The following TSPEAR variants were observed in gnomAD, a reference collection of about 807,000 sequenced individuals.
TSPEAR encodes thrombospondin-type laminin G domain and EAR repeat-containing protein.
A neutral mutation model predicts 71.6 loss-of-function variants in TSPEAR; 69 were observed. That is an observed-to-expected ratio of 0.96 (90% CI 0.79 to 1.18). TSPEAR has a LOEUF of 1.18. Ranked by LOEUF, TSPEAR falls within the 50% of genes most tolerant of loss-of-function variation. The pLI is 0.00. For missense variants in TSPEAR, 971 were observed against 894.9 expected, an observed-to-expected ratio of 1.09 and a Z score of -1.09; for synonymous variants, 402 against 387.2, an observed-to-expected ratio of 1.04 and a Z score of -0.45.
intron 1 of TSPEAR, among the ~76,000 whole-genome samples, chr21:44,594,653 G>C (rs1239586704): frequency 7.3e-6 from 1 of 136,478 alleles, no homozygotes; most frequent in Non-Finnish European, 1.5e-5. Context: ...TATTGCACAT[G>C]TGTATTCAGC....
At chr21:44,611,970 A>T (rs1981705030) in intron 1 of TSPEAR, 2 of 963,654 alleles carry the variant, frequency 2.1e-6, no homozygotes, top group South Asian at 3.1e-5. Context: ...CTCAGCCACA[A>T]CAAGGAAAGG....
Position 44,504,798 on chromosome 21 carries a change from A to C in TSPEAR, c.1838T>G (p.Val613Gly), listed in dbSNP as rs2052156479. Residue 613 changes from valine to glycine, a missense_variant, in exon 11 of 12, where the codon GTG becomes GGG. Val to Gly is a moderately radical substitution (Grantham distance 109). Transcript: ENST00000323084. ...ANSFDGRTFS[V>G]NSIIYRWQGY... ...TCATTACCTGTAAATAATACTGTTC[A>C]CCGAGAAGGTACGCCCATCGAAGGA... The C allele has an allele frequency of 6.2e-7, 1 of 1,613,546 alleles. No individual in the cohort carries two copies. The highest frequency in any genetic ancestry group is 1.1e-5 in the South Asian group (1 of 91,078).
intron 1 of TSPEAR, chr21:44,592,641 C>G: frequency 1.7e-6 from 2 of 1,182,484 alleles, no homozygotes; most frequent in Non-Finnish European, 2.3e-6. Context: ...TGTTTGTTCG[C>G]CCGTGATGTG....
intron 9 of TSPEAR, chr21:44,517,947 CTTCTT>C (rs1423125060): frequency 2.3e-6 from 1 of 431,094 alleles, no homozygotes; most frequent in African/African-American, 2.1e-5. Context: ...TCCTCACCCT[CTTCTT>C]TTTTTTCTAG....
intron 2 of TSPEAR, among the ~76,000 whole-genome samples, chr21:44,535,391 A>G (rs913679973): frequency 1.3e-5 from 2 of 152,166 alleles, no homozygotes; most frequent in African/African-American, 4.8e-5. Context: ...CTAGCCCAAC[A>G]CAATTAAAGA....
chr21:44,625,437 A>T (rs8134285), intron 1 of TSPEAR, among the ~76,000 whole-genome samples: 116,556 of 151,636 alleles, frequency 0.77, 45,262 homozygotes, highest in African/African-American at 0.88. Context: ...TACAAAAAAA[A>T]TTTTTTTTTA....
intron 2 of TSPEAR, among the ~76,000 whole-genome samples, chr21:44,543,142 G>A (rs1184042509): frequency 6.6e-6 from 1 of 151,800 alleles, no homozygotes; most frequent in Non-Finnish European, 1.5e-5. Context: ...ACTAAAGGGA[G>A]CATTAGGTAG....
intron 1 of TSPEAR, among the ~76,000 whole-genome samples, chr21:44,611,247 C>T (rs1294561022): frequency 6.6e-6 from 1 of 152,172 alleles, no homozygotes; most frequent in Non-Finnish European, 1.5e-5. Context: ...ACTTGAATTT[C>T]ATCTCCCAGC....
At chr21:44,580,669 T>C in intron 1 of TSPEAR, 2 of 1,329,296 alleles carry the variant, frequency 1.5e-6, no homozygotes, top group East Asian at 4.6e-5. Flanking sequence ...GTGAGTGAGG[T>C]GCTCAGGGCT....
intron 1 of TSPEAR, among the ~76,000 whole-genome samples, chr21:44,635,066 C>T (rs1400440316): frequency 8.5e-5 from 13 of 152,050 alleles, no homozygotes; most frequent in South Asian, 6.2e-4. Context: ...TTTATAGGGC[C>T]GGGCGCAGTG....
At position 44,646,312 on chromosome 21, in the gene TSPEAR, A is replaced by C. The variant is rs587680284; in HGVS notation, c.82+65121T>G. The C allele has an allele frequency of 9.4e-6, 11 of 1,174,858 alleles. No homozygotes were observed. In the African/African-American group the frequency reaches 1.7e-4, roughly 18 times the overall value. 72.8% of individuals were successfully genotyped at this position (1,174,858 alleles called of 1,614,324 possible). A position where few individuals can be genotyped will look rare whatever the true frequency, so the allele number is the denominator to read the frequency against. ...CCAGCTGTAAACACCAACAAGGAAGAAAAGCTTGTGGAGCCTCCTGTTGGG... is the reference window on the plus strand; with the variant it reads ...CCAGCTGTAAACACCAACAAGGAAGCAAAGCTTGTGGAGCCTCCTGTTGGG... On this transcript the variant is annotated intron_variant, in intron 1 of 11. Coordinates refer to ENST00000323084, the MANE Select transcript of TSPEAR (RefSeq NM_144991.3).
intron 2 of TSPEAR, among the ~76,000 whole-genome samples, chr21:44,537,259 A>G (rs1231234602): frequency 6.6e-6 from 1 of 152,118 alleles, no homozygotes; most frequent in African/African-American, 2.4e-5. Context: ...TTCCTCCTAC[A>G]TATTTAAAAG....
At chr21:44,535,070 G>A (rs1164765911) in intron 2 of TSPEAR, among the ~76,000 whole-genome samples, 2 of 152,152 alleles carry the variant, frequency 1.3e-5, no homozygotes, top group Non-Finnish European at 2.9e-5. Context: ...TGCCGGGGCT[G>A]GGGGGTGATG....
intron 2 of TSPEAR, 68 bp from the exon 3 acceptor site, chr21:44,533,991 G>A (rs1367827533): frequency 3.4e-6 from 4 of 1,170,056 alleles, no homozygotes; most frequent in African/African-American, 3.1e-5. Flanking sequence ...CAGGGCAGAT[G>A]GGAATGGCAG....
chr21:44,579,729 A>G, intron 1 of TSPEAR: 1 of 1,592,032 alleles, frequency 6.3e-7, no homozygotes, highest in Non-Finnish European at 8.5e-7. Flanking sequence ...GGATGTGCAC[A>G]TCAGCAACTG....
chr21:44,687,811 T>A lies in TSPEAR; in HGVS notation c.82+23622A>T, dbSNP rs118085991. Among the ~76,000 whole-genome samples the A allele has an allele frequency of 1.5e-3, 224 of 152,316 alleles. 3 individuals are homozygous for A. The East Asian group carries it at 0.038, about 26-fold the overall frequency. The stretch of plus-strand genomic sequence containing the variant: ...ACTTCGTCAAATGATACCCTTGAGA[T>A]TTGAATCATTTCACATGCAAAACAA... On this transcript the variant is annotated intron_variant, in intron 1 of 11. Coordinates refer to ENST00000323084, the MANE Select transcript of TSPEAR (RefSeq NM_144991.3). The surrounding 1 kb of genome is among the most constrained non-coding windows in gnomAD (Gnocchi z 4.4).
At chr21:44,616,517 C>A (rs1982106360) in intron 1 of TSPEAR, among the ~76,000 whole-genome samples, 1 of 152,174 alleles carries the variant, frequency 6.6e-6, no homozygotes, top group Non-Finnish European at 1.5e-5. Context: ...TGCTGCCTGG[C>A]CCTGCCTCCT....
At chr21:44,504,667 G>A (rs1450277063) in intron 11 of TSPEAR, 113 bp downstream of exon 11, 34 of 440,054 alleles carry the variant, frequency 7.7e-5, no homozygotes, top group East Asian at 2.5e-4. Context: ...GGAGGAGGCC[G>A]GCCTCGGTGA....
intron 1 of TSPEAR, among the ~76,000 whole-genome samples, chr21:44,705,852 GCTGT>G (rs34839826): frequency 0.61 from 92,986 of 151,386 alleles, 29,090 homozygotes; most frequent in Non-Finnish European, 0.68. Flanking sequence ...TTAAGTACTT[GCTGT>G]CTGTCACCCA....
Sources: gnomAD v4.1 joint callset for allele counts (sites outside exome capture counted in the v4.1 genomes callset) on GRCh38, gnomAD v4.1.1 for gene constraint, Gnocchi (gnomAD v3.1) non-coding constraint, MANE v1.5 for transcripts, NCBI Gene and HGNC (gene_info 2026-07-23, HGNC 2026-07-21) for gene names.